LRMDA: variants seen among roughly 807,000 people sequenced by gnomAD.
The protein encoded by LRMDA is leucine rich melanocyte differentiation associated.
Under a neutral mutation model 29.8 loss-of-function variants are expected in LRMDA, and 18 were observed. The ratio of observed to expected loss-of-function variants is 0.60; its 90% CI spans 0.42 to 0.90. The LOEUF (loss-of-function observed/expected upper bound fraction) is 0.90. Ranked by LOEUF, LRMDA falls within the 40% of genes least tolerant of loss-of-function variation. LRMDA has a pLI of 0.00. For synonymous variants in LRMDA, 125 were observed against 109.4 expected (o/e 1.14, Z -0.89); for missense variants, 273 against 273.9 (o/e 1.00, Z 0.02).
chr10:76,249,302 CATAAA>C (rs762144859), intron 5 of LRMDA, among the ~76,000 whole-genome samples: 8 of 152,186 alleles, frequency 5.3e-5, no homozygotes, highest in Non-Finnish European at 1.2e-4. Flanking sequence ...ATGCTTCTGT[CATAAA>C]ATACCCTAGA....
At chr10:75,578,238 A>AAAAC (rs1564805418) in intron 2 of LRMDA, among the ~76,000 whole-genome samples, 1 of 147,940 alleles carries the variant, frequency 6.8e-6, no homozygotes, top group Non-Finnish European at 1.5e-5. Flanking sequence ...AAAAAAAAAA[A>AAAAC]AGCAGCAGTT....
intron 2 of LRMDA, among the ~76,000 whole-genome samples, chr10:75,675,822 GC>G (rs1380981753): frequency 1.4e-4 from 21 of 152,088 alleles, no homozygotes; most frequent in Middle Eastern, 6.8e-3. Context: ...TTTTGTATAA[GC>G]CTCCTTGGAT....
chr10:76,110,335 A>G (rs1849556715), intron 5 of LRMDA, among the ~76,000 whole-genome samples: 1 of 152,172 alleles, frequency 6.6e-6, no homozygotes, highest in Admixed American at 6.5e-5. Context: ...CATGGCTTTC[A>G]TTTTTAAAAT....
intron 6 of LRMDA, among the ~76,000 whole-genome samples, chr10:76,429,948 C>G (rs1842173963): frequency 6.6e-6 from 1 of 152,160 alleles, no homozygotes; most frequent in South Asian, 2.1e-4. Flanking sequence ...TCCGAGACAA[C>G]TATTTTTACT....
At chr10:76,348,549 G>T (rs1841136972) in intron 6 of LRMDA, among the ~76,000 whole-genome samples, 2 of 152,196 alleles carry the variant, frequency 1.3e-5, no homozygotes, top group Non-Finnish European at 2.9e-5. Context: ...TGCATTAAAT[G>T]ATATTGACAA....
chr10:75,563,386 C>A (rs1042516947), intron 2 of LRMDA, among the ~76,000 whole-genome samples: 6 of 152,116 alleles, frequency 3.9e-5, no homozygotes, highest in African/African-American at 1.4e-4. Flanking sequence ...TTCATCAGCT[C>A]CTTTAAGCAC....
chr10:75,571,206 G>A (rs1041274589), intron 2 of LRMDA, among the ~76,000 whole-genome samples: 1 of 152,176 alleles, frequency 6.6e-6, no homozygotes, highest in Admixed American at 6.5e-5. Flanking sequence ...GTGTAGTAGA[G>A]ATATAGGTCA....
At chr10:75,525,080 A>C (rs1845398677) in intron 2 of LRMDA, among the ~76,000 whole-genome samples, 1 of 152,190 alleles carries the variant, frequency 6.6e-6, no homozygotes, top group African/African-American at 2.4e-5. Flanking sequence ...AGTGCTGGGT[A>C]CAGAGGTTTG....
chr10:75,691,655 G>T (rs964063644), intron 2 of LRMDA, among the ~76,000 whole-genome samples: 10 of 152,116 alleles, frequency 6.6e-5, no homozygotes, highest in African/African-American at 2.4e-4. Flanking sequence ...TTGGGAAAGA[G>T]GGTCTGCTCT....
chr10:75,643,263 T>G (rs1264862853), intron 2 of LRMDA, among the ~76,000 whole-genome samples: 1 of 152,078 alleles, frequency 6.6e-6, no homozygotes, highest in Non-Finnish European at 1.5e-5. Flanking sequence ...AATAAATAAC[T>G]AAGGGATTGA....
At chr10:76,054,220 T>C (rs368406264) in intron 4 of LRMDA, among the ~76,000 whole-genome samples, 2 of 152,122 alleles carry the variant, frequency 1.3e-5, no homozygotes, top group East Asian at 1.9e-4. Context: ...ATGGAACTAT[T>C]TGGGGCAAGT....
chr10:75,787,883 G>A lies in LRMDA; in HGVS notation c.132-248125G>A, dbSNP rs538050722. Among the ~76,000 whole-genome samples, 70 of 152,288 alleles carry A rather than the reference G, an allele frequency of 4.6e-4. No homozygotes were observed. In the East Asian group the frequency reaches 0.012, roughly 26 times the overall value. On this transcript the variant is annotated intron_variant, in intron 2 of 6. Coordinates refer to ENST00000611255, the MANE Select transcript of LRMDA (RefSeq NM_001305581.2). ...TTTCTACTAAAAATACAAAAAATTA[G>A]CTGGGCATGGTGGTGGGCACCTGTA... is the stretch of plus-strand genomic sequence containing the variant.
At chr10:76,526,903 C>T (rs975240154) in intron 6 of LRMDA, among the ~76,000 whole-genome samples, 11 of 150,222 alleles carry the variant, frequency 7.3e-5, no homozygotes, top group African/African-American at 2.4e-4. Flanking sequence ...GTGGGTGCAG[C>T]GCACCAGCAT....
chr10:76,179,699 GA>G (rs1851008954), intron 5 of LRMDA, among the ~76,000 whole-genome samples: 1 of 152,160 alleles, frequency 6.6e-6, no homozygotes, highest in Admixed American at 6.5e-5. Flanking sequence ...TTTATATGAA[GA>G]GCGAGTTTGA....
chr10:75,533,778 G>C (rs1845506045), intron 2 of LRMDA, among the ~76,000 whole-genome samples: 1 of 152,166 alleles, frequency 6.6e-6, no homozygotes, highest in Non-Finnish European at 1.5e-5. Flanking sequence ...CAGAGGATGA[G>C]AGGAGAGAGA....
chr10:75,785,355 G>C (rs201858922), intron 2 of LRMDA, among the ~76,000 whole-genome samples: 5 of 152,008 alleles, frequency 3.3e-5, no homozygotes, highest in Non-Finnish European at 5.9e-5. Context: ...GGGTGTGGAG[G>C]AGCAAAGCTC....
chr10:75,468,212 G>A (rs1197803933), intron 2 of LRMDA, among the ~76,000 whole-genome samples: 9 of 152,144 alleles, frequency 5.9e-5, no homozygotes, highest in Non-Finnish European at 4.4e-5. Context: ...CACATAAATG[G>A]TTGTCGGTTT....
At chr10:76,178,372 G>A (rs542766970) in intron 5 of LRMDA, among the ~76,000 whole-genome samples, 7 of 152,308 alleles carry the variant, frequency 4.6e-5, no homozygotes, top group African/African-American at 1.7e-4. Context: ...TTGTGTCTTC[G>A]TAGGTATGGT....
intron 2 of LRMDA, among the ~76,000 whole-genome samples, chr10:75,855,263 A>T (rs539871119): frequency 6.6e-6 from 1 of 152,176 alleles, no homozygotes; most frequent in East Asian, 1.9e-4. Context: ...CGACATTCGA[A>T]CTGGTGTGAG....
Sources: allele counts gnomAD v4.1 joint callset (sites outside exome capture counted in the v4.1 genomes callset), GRCh38; gene constraint gnomAD v4.1.1; transcripts MANE v1.5; gene names NCBI Gene and HGNC (gene_info 2026-07-23, HGNC 2026-07-21).